Variants in MICU1 observed in about 807,000 individuals in gnomAD.
MICU1 encodes mitochondrial calcium uptake 1, also known as calcium uptake protein 1, mitochondrial.
In MICU1, 45 loss-of-function variants were observed where a neutral mutation model predicts 56.8. The observed-to-expected ratio is 0.79, with a 90% CI of 0.62 to 1.02. MICU1 has a LOEUF of 1.02. MICU1 is among the 50% of genes least tolerant of loss of function. The pLI is 0.00. For missense variants in MICU1, 504 were observed against 587.1 expected (o/e 0.86, Z 1.46); for synonymous variants, 186 against 195.1 (o/e 0.95, Z 0.39).
In MICU1 at chr10:72,606,468, C is replaced by A. The variant is rs556392343; in HGVS notation, c.-2+19542G>T. On this transcript the variant is annotated intron_variant, in intron 1 of 11. Coordinates refer to ENST00000361114, the MANE Select transcript of MICU1 (RefSeq NM_001195518.2). ...GCAGAGGTTGCAGTGAGCTGAGATC[C>A]CGCCATTATACTCCAGCCTGGGCAA... Among the ~76,000 whole-genome samples, 63 of 151,980 alleles carry A rather than the reference C, an allele frequency of 4.1e-4. No homozygotes were observed. In the Middle Eastern group the frequency reaches 0.01, roughly 25 times the overall value.
At chr10:72,541,433 A>C (rs1043435789) in intron 4 of MICU1, among the ~76,000 whole-genome samples, 2 of 152,182 alleles carry the variant, frequency 1.3e-5, no homozygotes, top group Non-Finnish European at 2.9e-5. Context: ...ATAGAATCTA[A>C]GATTGATCTT....
At chr10:72,522,865 T>C (rs946787399) in intron 5 of MICU1, among the ~76,000 whole-genome samples, 37 of 152,180 alleles carry the variant, frequency 2.4e-4, no homozygotes, top group Admixed American at 4.6e-4. Flanking sequence ...TAGAACACAA[T>C]GTAGGTAAAC....
At chr10:72,512,717 T>TGTTTTGTTTTGA (rs893439152) in intron 5 of MICU1, among the ~76,000 whole-genome samples, 2 of 151,736 alleles carry the variant, frequency 1.3e-5, no homozygotes, top group Non-Finnish European at 2.9e-5. Flanking sequence ...TGTTTTGTTT[T>TGTTTTGTTTTGA]GAGACAGTGT....
intron 4 of MICU1, among the ~76,000 whole-genome samples, chr10:72,546,172 T>C (rs2132433721): frequency 6.6e-6 from 1 of 152,340 alleles, no homozygotes; most frequent in Middle Eastern, 3.4e-3. Flanking sequence ...TACCATTTTT[T>C]CCTTTGTCTG....
At chr10:72,562,058 T>C (rs561928226) in intron 3 of MICU1, among the ~76,000 whole-genome samples, 1 of 151,554 alleles carries the variant, frequency 6.6e-6, no homozygotes, top group African/African-American at 2.4e-5. Context: ...TGAACTCAAA[T>C]ACCTGATATC....
intron 1 of MICU1, among the ~76,000 whole-genome samples, chr10:72,585,093 T>G (rs545712714): frequency 4.7e-5 from 7 of 149,972 alleles, no homozygotes; most frequent in Admixed American, 1.3e-4. Context: ...TTTTTTTTTT[T>G]GTTTTTTTTT....
intron 11 of MICU1, 48 bp downstream of exon 11, chr10:72,375,735 A>G: frequency 4.5e-6 from 7 of 1,559,650 alleles, no homozygotes; most frequent in Non-Finnish European, 6.1e-6. Flanking sequence ...AGGGCCTCTA[A>G]GGGCAGCTAG....
intron 6 of MICU1, among the ~76,000 whole-genome samples, chr10:72,490,776 G>C (rs1866628175): frequency 6.6e-6 from 1 of 152,144 alleles, no homozygotes; most frequent in Non-Finnish European, 1.5e-5. Flanking sequence ...TAGCACCAAT[G>C]GTATGTGTGT....
At position 72,424,822 on chromosome 10, in the gene MICU1, G is replaced by A. The variant is rs192355146; in HGVS notation, c.934-1451C>T. Among the ~76,000 whole-genome samples, 340 of 152,268 alleles carry A rather than the reference G, an allele frequency of 2.2e-3. 1 individual carries two copies. The highest frequency in any genetic ancestry group is 3.3e-3 in the Non-Finnish European group (222 of 68,024). The stretch of plus-strand genomic sequence containing the variant: ...GCTTCCTGTACAATAGCACTGTGTT[G>A]TTTTGGATAAACTTATACAGCCATG... On this transcript the variant is annotated intron_variant, in intron 8 of 11. Transcript: ENST00000361114.
chr10:72,426,379 GC>G (rs1486012740), intron 8 of MICU1, among the ~76,000 whole-genome samples: 5 of 150,806 alleles, frequency 3.3e-5, no homozygotes, highest in African/African-American at 1.2e-4. Context: ...AAAAGGAAAT[GC>G]TTATTGGAGC....
At chr10:72,460,340 GCTCT>G (rs112684032) in intron 8 of MICU1, among the ~76,000 whole-genome samples, 10 of 151,028 alleles carry the variant, frequency 6.6e-5, no homozygotes, top group African/African-American at 2.2e-4. Context: ...ATTTTGCACA[GCTCT>G]CTCTCTCTCT....
intron 1 of MICU1, among the ~76,000 whole-genome samples, chr10:72,571,785 G>A (rs1358616435): frequency 6.6e-6 from 1 of 151,994 alleles, no homozygotes; most frequent in Non-Finnish European, 1.5e-5. Context: ...AATGTAGTTG[G>A]GCATGGTGGC....
At chr10:72,399,799 C>T (rs1032296909) in intron 10 of MICU1, among the ~76,000 whole-genome samples, 50 of 151,632 alleles carry the variant, frequency 3.3e-4, no homozygotes, top group African/African-American at 1.0e-3. Context: ...CCCATCTCTA[C>T]TAAAAATACA....
intron 3 of MICU1, among the ~76,000 whole-genome samples, chr10:72,552,944 G>T (rs929657429): frequency 6.6e-6 from 1 of 152,218 alleles, no homozygotes; most frequent in Non-Finnish European, 1.5e-5. Context: ...ACTGGCAGCA[G>T]CTGTTTAACA....
chr10:72,377,026 CTG>C (rs1241972145), intron 10 of MICU1, among the ~76,000 whole-genome samples: 1 of 152,140 alleles, frequency 6.6e-6, no homozygotes, highest in Non-Finnish European at 1.5e-5. Flanking sequence ...CTGCCCAACT[CTG>C]TCCCTCCTCC....
intron 6 of MICU1, among the ~76,000 whole-genome samples, chr10:72,487,832 C>T (rs1866524035): frequency 6.6e-6 from 1 of 152,158 alleles, no homozygotes; most frequent in African/African-American, 2.4e-5. Flanking sequence ...TCCTGATCTA[C>T]TCCTTCTGAC....
chr10:72,423,464 T>C, intron 8 of MICU1, 93 bp from the exon 9 acceptor site: 1 of 1,402,748 alleles, frequency 7.1e-7, no homozygotes, highest in South Asian at 1.4e-5. Flanking sequence ...TGGCAGAAAA[T>C]AGCTGATGAC....
intron 3 of MICU1, among the ~76,000 whole-genome samples, chr10:72,561,100 T>C (rs1840285392): frequency 6.6e-6 from 1 of 152,214 alleles, no homozygotes; most frequent in African/African-American, 2.4e-5. Context: ...GCTCTTCCTC[T>C]GAAACTTCAG....
chr10:72,381,378 G>A (rs1335728318), intron 10 of MICU1, among the ~76,000 whole-genome samples: 1 of 152,174 alleles, frequency 6.6e-6, no homozygotes, highest in African/African-American at 2.4e-5. Context: ...ATGGCTTTGG[G>A]TGGAACAAGG....
Sources: gnomAD v4.1 joint callset for allele counts (sites outside exome capture counted in the v4.1 genomes callset) on GRCh38, gnomAD v4.1.1 for gene constraint, MANE v1.5 for transcripts, NCBI Gene and HGNC (gene_info 2026-07-23, HGNC 2026-07-21) for gene names.